IL18R1: variants seen among roughly 807,000 people sequenced by gnomAD.
IL18R1 encodes interleukin 18 receptor 1, also known as interleukin-18 receptor 1.
A neutral mutation model predicts 48.5 loss-of-function variants in IL18R1; 40 were observed. That is an observed-to-expected ratio of 0.82 (90% CI 0.64 to 1.07). The LOEUF is 1.07. IL18R1 is among the 50% of genes least tolerant of loss of function. The pLI is 0.00. For synonymous variants in IL18R1, 232 were observed against 225.9 expected (o/e 1.03, Z -0.24); for missense variants, 596 against 633.7 (o/e 0.94, Z 0.64).
chr2:102,383,489 T>C lies in IL18R1; in HGVS notation c.689-1389T>C, dbSNP rs573632506. Among the ~76,000 whole-genome samples the C allele has an allele frequency of 2.0e-5, 3 of 152,218 alleles. No homozygotes were observed. The East Asian group carries it at 5.8e-4, about 29-fold the overall frequency. On this transcript the variant is annotated intron_variant, in intron 6 of 10. Transcript: ENST00000233957. ...TATCTTATATGCATACACGGATTTA[T>C]GCTCGTTGAATTAACACTTTTATCA...
chr2:102,376,246 T>G (rs1183591762), intron 5 of IL18R1, among the ~76,000 whole-genome samples, 183 bp downstream of exon 5: 1 of 152,202 alleles, frequency 6.6e-6, no homozygotes, highest in Non-Finnish European at 1.5e-5. Context: ...AATAAACCTT[T>G]CTTTTTGGCA....
At chr2:102,390,609 G>T (rs1356413027) in intron 9 of IL18R1, among the ~76,000 whole-genome samples, 3 of 152,046 alleles carry the variant, frequency 2.0e-5, no homozygotes, top group African/African-American at 7.3e-5. Context: ...ATTTCAACCT[G>T]GCAAAGGAGG....
Position 102,357,490 on chromosome 2 carries a change from C to CAA in IL18R1, c.-29+1101_-29+1102dup, listed in dbSNP as rs56719099. Among the ~76,000 whole-genome samples, 666 of 137,620 alleles carry CAA rather than the reference C, an allele frequency of 4.8e-3. 7 individuals are homozygous for CAA. The highest frequency in any genetic ancestry group is 0.015 in the African/African-American group (542 of 37,196). The allele number at this position is 137,620 out of a possible 152,430, so 90.3% of individuals were successfully genotyped here. On this transcript the variant is annotated intron_variant, in intron 1 of 10. Transcript: ENST00000233957. Reference sequence around the variant, plus strand: ...TGGGCGACAGAGTGAGACTCTATCTCAAAAAAAAAAAAGAAAAAAAAGAAA... The same window carrying CAA: ...TGGGCGACAGAGTGAGACTCTATCTCAAAAAAAAAAAAAAGAAAAAAAAGAAA...
chr2:102,366,442 A>T (rs1678903976), intron 2 of IL18R1, among the ~76,000 whole-genome samples: 1 of 152,222 alleles, frequency 6.6e-6, no homozygotes, highest in Admixed American at 6.5e-5. Flanking sequence ...GTCTTTAGGA[A>T]GTTCCAAACT....
At chr2:102,363,382 A>G (rs764507582) in intron 2 of IL18R1, among the ~76,000 whole-genome samples, 2 of 152,188 alleles carry the variant, frequency 1.3e-5, no homozygotes, top group South Asian at 4.1e-4. Context: ...TTACTGCTGA[A>G]GAGATAGCTG....
intron 9 of IL18R1, among the ~76,000 whole-genome samples, chr2:102,392,484 G>A (rs1214461526): frequency 6.6e-6 from 1 of 152,154 alleles, no homozygotes; most frequent in African/African-American, 2.4e-5. Flanking sequence ...CAATATGGCA[G>A]TGCAGAGACA....
intron 4 of IL18R1, 104 bp from the exon 5 acceptor site, chr2:102,375,802 TC>T: frequency 5.6e-6 from 4 of 713,944 alleles, no homozygotes; most frequent in Non-Finnish European, 8.6e-6. Context: ...TACTTTCCAT[TC>T]TTTTTTCCTT....
At position 102,390,175 on chromosome 2, in the gene IL18R1, C is replaced by T; in HGVS notation, c.1069C>T (p.Leu357=). 1.2e-6 allele frequency: 2 copies of T among 1,613,818 alleles called. No individual in the cohort carries two copies. Among genetic ancestry groups the T allele is most frequent in the African/African-American group, 2.7e-5 (2 of 74,924 alleles). ...TGTCATTTATAGAGTTGACTTGGTT[C>T]TATTTTATAGACATTTAACGAGAAG... The part of the protein sequence containing the change: ...VCVIYRVDLV[L]FYRHLTRRDE... Residue 357 remains leucine (L), a synonymous_variant, in exon 9 of 11, where the codon CTA becomes TTA. Transcript: ENST00000233957.
At chr2:102,383,529 T>C (rs1680036275) in intron 6 of IL18R1, among the ~76,000 whole-genome samples, 1 of 152,226 alleles carries the variant, frequency 6.6e-6, no homozygotes, top group Non-Finnish European at 1.5e-5. Context: ...GAAATATCTC[T>C]CTTTATCTAT....
chr2:102,376,123 C>G (rs1679571866), intron 5 of IL18R1, 60 bp downstream of exon 5: 1 of 1,401,384 alleles, frequency 7.1e-7, no homozygotes, highest in Non-Finnish European at 9.6e-7. Context: ...GGAATTTTTT[C>G]ATTCTTCAAA....
At chr2:102,388,057 A>T (rs866625977) in intron 8 of IL18R1, among the ~76,000 whole-genome samples, 12 of 152,302 alleles carry the variant, frequency 7.9e-5, no homozygotes, top group African/African-American at 2.9e-4. Flanking sequence ...ACACACAGAC[A>T]CACACAAACA....
chr2:102,377,932 G>T (rs781201007), intron 5 of IL18R1, among the ~76,000 whole-genome samples: 1 of 152,296 alleles, frequency 6.6e-6, no homozygotes, highest in African/African-American at 2.4e-5. Context: ...TATTCTGCCT[G>T]CCACAGCCCA....
rs764314997 is a variant in IL18R1, at chr2:102,390,081, C to T, written c.975C>T (p.His325=). The T allele has an allele frequency of 6.6e-5, 107 of 1,613,800 alleles. No homozygotes were observed. In the South Asian group the frequency reaches 9.3e-4, roughly 14 times the overall value. ...RKADMADIPG[H]VFTRGMIIAV... ...CAGACATGGCTGATATCCCAGGCCA[C>T]GTCTTCACAAGAGGAATGATCATAG... Residue 325 remains histidine (H), a synonymous_variant, in exon 9 of 11, where the codon CAC becomes CAT. Coordinates refer to ENST00000233957, the MANE Select transcript of IL18R1 (RefSeq NM_003855.5).
intron 5 of IL18R1, among the ~76,000 whole-genome samples, chr2:102,379,172 G>T (rs1225898973): frequency 2.0e-5 from 3 of 152,178 alleles, no homozygotes; most frequent in Non-Finnish European, 4.4e-5. Flanking sequence ...GGCCGGGTGT[G>T]GTGGCTCATG....
chr2:102,387,939 G>C (rs1350269539), intron 8 of IL18R1, among the ~76,000 whole-genome samples: 1 of 152,044 alleles, frequency 6.6e-6, no homozygotes, highest in African/African-American at 2.4e-5. Context: ...GAGAGACACA[G>C]AGACAGAGGA....
intron 10 of IL18R1, among the ~76,000 whole-genome samples, chr2:102,395,484 A>G (rs1169641814): frequency 6.6e-6 from 1 of 152,156 alleles, no homozygotes; most frequent in Non-Finnish European, 1.5e-5. Flanking sequence ...TCCCCCCCAT[A>G]TTACAAAGTA....
At chr2:102,383,891 A>C (rs1177610670) in intron 6 of IL18R1, among the ~76,000 whole-genome samples, 2 of 152,052 alleles carry the variant, frequency 1.3e-5, no homozygotes, top group East Asian at 3.9e-4. Flanking sequence ...TTTTCTTTCA[A>C]ACAGTTACAG....
intron 1 of IL18R1, among the ~76,000 whole-genome samples, chr2:102,362,163 T>C (rs1221617889): frequency 1.3e-5 from 2 of 152,198 alleles, no homozygotes; most frequent in African/African-American, 2.4e-5. Flanking sequence ...AGGAGGAAGA[T>C]GGAGTTTTAA....
chr2:102,392,000 A>T (rs1233652879), intron 9 of IL18R1, among the ~76,000 whole-genome samples: 1 of 152,138 alleles, frequency 6.6e-6, no homozygotes, highest in African/African-American at 2.4e-5. Context: ...CCAGGCTGTA[A>T]TTTGTCTTTT....
Sources: gnomAD v4.1 joint callset for allele counts (sites outside exome capture counted in the v4.1 genomes callset) on GRCh38, gnomAD v4.1.1 for gene constraint, MANE v1.5 for transcripts, NCBI Gene and HGNC (gene_info 2026-07-23, HGNC 2026-07-21) for gene names.